The following CPO variants were observed in gnomAD, a reference collection of about 807,000 sequenced individuals.
CPO encodes the protein metallocarboxypeptidase C.
In CPO, 43 loss-of-function variants were observed where a neutral mutation model predicts 41.2. That is an observed-to-expected ratio of 1.04 (90% CI 0.82 to 1.35). CPO has a LOEUF of 1.35. Ranked by LOEUF, CPO falls within the 40% of genes most tolerant of loss-of-function variation. CPO has a pLI of 0.00. For missense variants in CPO, 408 were observed against 451.7 expected (o/e 0.90, Z 0.88); for synonymous variants, 178 against 162.7 (o/e 1.09, Z -0.72).
intron 7 of CPO, among the ~76,000 whole-genome samples, chr2:206,967,319 A>C (rs1693591831): frequency 6.7e-6 from 1 of 148,528 alleles, no homozygotes; most frequent in Non-Finnish European, 1.5e-5. Flanking sequence ...TATGACTTCC[A>C]GCTCTGAAAT....
chr2:206,967,703 G>A lies in CPO; in HGVS notation c.778-560G>A, dbSNP rs1343811352. Among the ~76,000 whole-genome samples, 3 of 152,150 alleles carry A rather than the reference G, an allele frequency of 2.0e-5. No homozygotes were observed. In the East Asian group the frequency reaches 5.8e-4, roughly 29 times the overall value. ...AGGAGGGATGACAAAATATGGTGTT[G>A]GGAAGGTGGGTTAGAGTCATATTGG... On this transcript the variant is annotated intron_variant, in intron 7 of 8. Transcript: ENST00000272852.
chr2:206,959,674 T>G lies in CPO; in HGVS notation c.416T>G (p.Leu139Arg). The G allele has an allele frequency of 3.2e-6, 5 of 1,578,148 alleles. No individual in the cohort carries two copies. The highest frequency in any genetic ancestry group is 2.6e-6 in the Non-Finnish European group (3 of 1,147,244). ...HKDNSSIRKL[L>R]RNLDFYVLPV... is the part of the protein sequence containing the mutation. Reference sequence around the variant, plus strand: ...GACAACTCAAGTATACGCAAGCTCCTTAGGAACCTGGACTTCTATGTCCTT... The same window carrying G: ...GACAACTCAAGTATACGCAAGCTCCGTAGGAACCTGGACTTCTATGTCCTT... The change falls in exon 5 of 9, where the codon CTT becomes CGT. Residue 139 changes from leucine to arginine, a missense_variant. By Grantham distance (102) the Leu-to-Arg change is moderately radical (BLOSUM62 -2). Coordinates refer to ENST00000272852, the MANE Select transcript of CPO (RefSeq NM_173077.3).
At chr2:206,963,961 T>C (rs1437742814) in intron 7 of CPO, among the ~76,000 whole-genome samples, 1 of 152,228 alleles carries the variant, frequency 6.6e-6, no homozygotes, top group Admixed American at 6.5e-5. Context: ...CCACCAACAG[T>C]ACATAAGGGT....
At chr2:206,956,631 C>A (rs1357999590) in intron 3 of CPO, among the ~76,000 whole-genome samples, 2 of 152,158 alleles carry the variant, frequency 1.3e-5, no homozygotes, top group Non-Finnish European at 2.9e-5. Context: ...GAAGCGATAC[C>A]ACAGTGCATT....
Position 206,958,358 on chromosome 2 carries a change from G to T in CPO, c.325G>T (p.Ala109Ser), listed in dbSNP as rs781695956. The T allele has an allele frequency of 2.5e-6, 4 of 1,601,596 alleles. No individual in the cohort carries two copies. The highest frequency in any genetic ancestry group is 1.3e-5 in the African/African-American group (1 of 74,440). Residue 109 changes from alanine to serine, a missense_variant, in exon 4 of 9, where the codon GCC (alanine) becomes TCC (serine). Physicochemically the swap from Ala to Ser is moderately conservative, Grantham distance 99. Transcript: ENST00000272852. ...CATTTGGATGGACTGTGGAATTCAC[G>T]CCAGAGAATGGATTGCTCCTGCTTT... Reference protein sequence around the residue: ...KIIWMDCGIHAREWIAPAFCQ... With the variant: ...KIIWMDCGIHSREWIAPAFCQ...
chr2:206,968,261 A>G lies in CPO; in HGVS notation c.778-2A>G. The G allele has an allele frequency of 6.3e-7, 1 of 1,595,934 alleles. No individual in the cohort carries two copies. The highest frequency in any genetic ancestry group is 8.6e-7 in the Non-Finnish European group (1 of 1,163,598). On this transcript the variant is annotated splice_acceptor_variant, in intron 7 of 8. Transcript: ENST00000272852. LOFTEE classifies it high-confidence loss of function. The stretch of plus-strand genomic sequence containing the variant: ...ATCTGTCTCTGCATTTCCCACCTAC[A>G]GATTCAAGTTGGACAGAAGGCAGCA...
At chr2:206,950,036 T>G (rs934398443) in intron 2 of CPO, among the ~76,000 whole-genome samples, 2 of 152,224 alleles carry the variant, frequency 1.3e-5, no homozygotes, top group Admixed American at 6.5e-5. Context: ...TTAGCAAGTT[T>G]AAGCTGGGCA....
intron 4 of CPO, among the ~76,000 whole-genome samples, chr2:206,958,728 G>GTTTTTTTTTT (rs752377148): frequency 1.9e-5 from 1 of 53,330 alleles, no homozygotes; most frequent in Non-Finnish European, 3.5e-5. Flanking sequence ...AAATTTTCTA[G>GTTTTTTTTTT]TTTTTTTTTT....
At chr2:206,944,576 A>T (rs1031122199) in intron 1 of CPO, among the ~76,000 whole-genome samples, 1 of 152,032 alleles carries the variant, frequency 6.6e-6, no homozygotes, top group Non-Finnish European at 1.5e-5. Context: ...TCATTGTTTT[A>T]ACCAATTATT....
chr2:206,958,385 T>C lies in CPO; in HGVS notation c.352T>C (p.Cys118Arg), dbSNP rs139624988. 1.9e-6 allele frequency: 3 copies of C among 1,598,092 alleles called. No homozygotes were observed. The highest frequency in any genetic ancestry group is 2.6e-6 in the Non-Finnish European group (3 of 1,169,696). ...CAGAGAATGGATTGCTCCTGCTTTTTGCCAATGGTTCGTCAAAGAAGTAAG... is the reference window on the plus strand; with the variant it reads ...CAGAGAATGGATTGCTCCTGCTTTTCGCCAATGGTTCGTCAAAGAAGTAAG... Reference protein sequence around the residue: ...HAREWIAPAFCQWFVKEILQN... With the variant: ...HAREWIAPAFRQWFVKEILQN... Residue 118 changes from cysteine to arginine, a missense_variant, in exon 4 of 9, where the codon TGC becomes CGC. Cys to Arg is a radical substitution (Grantham distance 180). Transcript: ENST00000272852.
intron 2 of CPO, among the ~76,000 whole-genome samples, chr2:206,951,748 C>T (rs1410271422): frequency 6.6e-6 from 1 of 152,228 alleles, no homozygotes; most frequent in East Asian, 1.9e-4. Flanking sequence ...CCTCAGCTTC[C>T]TCATCTGTGA....
chr2:206,943,835 C>T (rs867975260), intron 1 of CPO, among the ~76,000 whole-genome samples: 11 of 151,846 alleles, frequency 7.2e-5, no homozygotes, highest in Admixed American at 3.9e-4. Context: ...AGAACAGTTT[C>T]TAGCATACAT....
At chr2:206,958,636 A>G (rs2105826177) in intron 4 of CPO, among the ~76,000 whole-genome samples, 1 of 151,392 alleles carries the variant, frequency 6.6e-6, no homozygotes, top group East Asian at 1.9e-4. Context: ...GGGTAAACAT[A>G]TCTAAATGTA....
chr2:206,958,186 CCA>C, intron 3 of CPO, 113 bp from the exon 4 acceptor site: 1 of 570,004 alleles, frequency 1.8e-6, no homozygotes, highest in Admixed American at 2.9e-5. Flanking sequence ...CCTCTTGAAA[CCA>C]CAGAGTGGAG....
chr2:206,940,334 G>A (rs981876168), intron 1 of CPO, among the ~76,000 whole-genome samples: 1 of 151,958 alleles, frequency 6.6e-6, no homozygotes, highest in Non-Finnish European at 1.5e-5. Context: ...AGTAACTGAG[G>A]AAAATGTAAG....
At chr2:206,968,799 C>T (rs1464120023) in intron 8 of CPO, among the ~76,000 whole-genome samples, 1 of 152,208 alleles carries the variant, frequency 6.6e-6, no homozygotes, top group East Asian at 1.9e-4. Flanking sequence ...GAGCCCCCCT[C>T]TAAATACCTG....
At chr2:206,964,216 A>G (rs59770491) in intron 7 of CPO, among the ~76,000 whole-genome samples, 2,789 of 152,284 alleles carry the variant, frequency 0.018, 92 homozygotes, top group African/African-American at 0.062. Context: ...TGTTGGAAGG[A>G]GCCCTTCTCC....
At position 206,959,749 on chromosome 2, in the gene CPO, C is replaced by T. The variant is rs779344725; in HGVS notation, c.483+8C>T. On this transcript the variant is annotated splice_region_variant and intron_variant, in intron 5 of 8. Coordinates refer to ENST00000272852, the MANE Select transcript of CPO (RefSeq NM_173077.3). ...ATCTACACTTGGACAACTGTGAGTA[C>T]ACCATGTTTGGTCCTGGGATGAGTT... The T allele has an allele frequency of 2.3e-5, 28 of 1,243,484 alleles. No homozygotes were observed. Among genetic ancestry groups the T allele is most frequent in the Admixed American group, 1.2e-4 (7 of 58,382 alleles). 77.0% of individuals were successfully genotyped at this position (1,243,484 alleles called of 1,614,324 possible). A position where few individuals can be genotyped will look rare whatever the true frequency, so the allele number is the denominator to read the frequency against.
intron 2 of CPO, 106 bp downstream of exon 2, chr2:206,949,819 G>A (rs955821985): frequency 4.6e-6 from 3 of 657,084 alleles, no homozygotes; most frequent in Non-Finnish European, 8.1e-6. Context: ...GGCTGAAAAT[G>A]TGGTGTTAAG....
Sources: gnomAD v4.1 joint callset for allele counts (sites outside exome capture counted in the v4.1 genomes callset) on GRCh38, gnomAD v4.1.1 for gene constraint, MANE v1.5 for transcripts, NCBI Gene and HGNC (gene_info 2026-07-23, HGNC 2026-07-21) for gene names.